ID4: variants seen among roughly 807,000 people sequenced by gnomAD.
ID4 encodes the protein inhibitor of DNA binding 4.
In ID4, 9 loss-of-function variants were observed where a neutral mutation model predicts 8.6. The ratio of observed to expected loss-of-function variants is 1.04; its 90% CI spans 0.63 to 1.82. The LOEUF (loss-of-function observed/expected upper bound fraction) is 1.82. Ranked by LOEUF, ID4 falls within the 40% of genes most tolerant of loss-of-function variation. The probability of loss-of-function intolerance (pLI) is 0.00; values close to 1 mark genes in which losing one functional copy is unlikely to be tolerated. For synonymous variants in ID4, 180 were observed against 118.0 expected (o/e 1.53, Z -3.41); for missense variants, 270 against 235.1 (o/e 1.15, Z -0.97).
intron 1 of ID4, 91 bp from the exon 2 acceptor site, chr6:19,838,493 C>A: frequency 6.4e-7 from 1 of 1,561,080 alleles, no homozygotes; most frequent in Non-Finnish European, 8.8e-7. Flanking sequence ...CGTCGGCGCG[C>A]CAGCCTGATT....
chr6:19,839,733 A>G lies in ID4; in HGVS notation c.*538A>G, dbSNP rs1421892872. On this transcript the variant is annotated 3_prime_UTR_variant, in exon 3 of 3. Transcript: ENST00000378700. ...AAATGAGTGACATTTCATACCATGT[A>G]TATATAGAGATGTTCTATAAGTGTG... is the stretch of plus-strand genomic sequence containing the variant. 2 of 152,562 alleles carry G rather than the reference A, an allele frequency of 1.3e-5. No homozygotes were observed. The highest frequency in any genetic ancestry group is 1.9e-4 in the East Asian group (1 of 5,204). The allele number at this position is 152,562 out of a possible 1,614,324, so 9.5% of individuals were successfully genotyped here. A position where few individuals can be genotyped will look rare whatever the true frequency, so the allele number is the denominator to read the frequency against.
In ID4 at chr6:19,840,735, A is replaced by T. The variant is rs1477871413; in HGVS notation, c.*1540A>T. On this transcript the variant is annotated 3_prime_UTR_variant, in exon 3 of 3. Transcript: ENST00000378700. ...AAAACCTTACTCTTATTTTTCTTTT[A>T]AGGCTCTTTTTTCTCCTTAAGGAAG... 1 of 151,976 alleles carries T rather than the reference A, an allele frequency of 6.6e-6. No individual in the cohort carries two copies. The allele number at this position is 151,976 out of a possible 1,614,324, so 9.4% of individuals were successfully genotyped here.
rs1802807 is a variant in ID4, at chr6:19,839,315, C to T, written c.*120C>T. On this transcript the variant is annotated 3_prime_UTR_variant, in exon 3 of 3. Transcript: ENST00000378700. ...AGGAAAGGAAAAAACATCGGCCAAC[C>T]TAGAAACGTTTTCATTCGTCATTCC... 2.0e-5 allele frequency: 3 copies of T among 152,676 alleles called. No individual in the cohort carries two copies. Among genetic ancestry groups the T allele is most frequent in the Non-Finnish European group, 4.4e-5 (3 of 68,116 alleles). The allele number at this position is 152,676 out of a possible 1,614,324, so 9.5% of individuals were successfully genotyped here. A position where few individuals can be genotyped will look rare whatever the true frequency, so the allele number is the denominator to read the frequency against.
rs1281026909 is a variant in ID4, at chr6:19,837,687, C to T, written c.-68C>T. 3.9e-6 allele frequency: 4 copies of T among 1,035,026 alleles called. No homozygotes were observed. The East Asian group carries it at 2.4e-4, about 63-fold the overall frequency. The allele number at this position is 1,035,026 out of a possible 1,614,324, so 64.1% of individuals were successfully genotyped here. On this transcript the variant is annotated 5_prime_UTR_variant, in exon 1 of 3. Coordinates refer to ENST00000378700, the MANE Select transcript of ID4 (RefSeq NM_001546.4). ...GGAGCGGAGCCGGCCGCGGACGGGG[C>T]CCGGAGCTTGCCTGCCTCCCTCGCT...
In ID4 at chr6:19,841,907, C is replaced by T. The variant is rs149674651; in HGVS notation, c.*2712C>T. 6.6e-6 allele frequency among the ~76,000 whole-genome samples: 1 copy of T among 152,098 alleles called. No individual in the cohort carries two copies. Among genetic ancestry groups the T allele is most frequent in the Non-Finnish European group, 1.5e-5 (1 of 68,016 alleles). ...TTGTAGACTTTTCATTGTATAGGCA[C>T]AACCAAAGAGTCAGACTGGTTTAAA... On this transcript the variant is annotated 3_prime_UTR_variant, in exon 3 of 3. Coordinates refer to ENST00000378700, the MANE Select transcript of ID4 (RefSeq NM_001546.4).
chr6:19,838,760 A>G (rs1761288909), intron 2 of ID4, 118 bp downstream of exon 2: 2 of 801,264 alleles, frequency 2.5e-6, no homozygotes, highest in South Asian at 3.3e-5. Flanking sequence ...GCAAACTCCC[A>G]AGGAAGTAAA....
rs780634591 is a variant in ID4 at position 19,840,604 on chromosome 6, T to C, written c.*1409T>C. The C allele has an allele frequency of 6.6e-6, 1 of 152,588 alleles. No individual in the cohort carries two copies. Among genetic ancestry groups the C allele is most frequent in the Non-Finnish European group, 1.5e-5 (1 of 68,000 alleles). 9.5% of individuals were successfully genotyped at this position (152,588 alleles called of 1,614,324 possible). On this transcript the variant is annotated 3_prime_UTR_variant, in exon 3 of 3. Transcript: ENST00000378700. Reference sequence around the variant, plus strand: ...ATAAAAATGATTTTCACTATAGCTATGTTACGCTAAGCTACTGTCCAATCT... The same window carrying C: ...ATAAAAATGATTTTCACTATAGCTACGTTACGCTAAGCTACTGTCCAATCT...
At chr6:19,838,998 C>T (rs565020534) in intron 2 of ID4, 2 of 240,002 alleles carry the variant, frequency 8.3e-6, no homozygotes, top group African/African-American at 4.6e-5. Context: ...CAAAGGGGGA[C>T]GCGGGCAGGG....
chr6:19,841,971 T>C lies in ID4; in HGVS notation c.*2776T>C, dbSNP rs1039085422. 2.6e-5 allele frequency among the ~76,000 whole-genome samples: 4 copies of C among 152,230 alleles called. No homozygotes were observed. Among genetic ancestry groups the C allele is most frequent in the African/African-American group, 9.6e-5 (4 of 41,474 alleles). ...AAAAAGTATCCCACACAGTGGATGT[T>C]GTTTCTAAGAATGCTACAAAATCCT... On this transcript the variant is annotated 3_prime_UTR_variant, in exon 3 of 3. Coordinates refer to ENST00000378700, the MANE Select transcript of ID4 (RefSeq NM_001546.4).
At position 19,840,725 on chromosome 6, in the gene ID4, T is replaced by A. The variant is rs985290939; in HGVS notation, c.*1530T>A. The A allele has an allele frequency of 1.3e-5, 2 of 152,132 alleles. No individual in the cohort carries two copies. The highest frequency in any genetic ancestry group is 4.8e-5 in the African/African-American group (2 of 41,420). The allele number at this position is 152,132 out of a possible 1,614,324, so 9.4% of individuals were successfully genotyped here. A position where few individuals can be genotyped will look rare whatever the true frequency, so the allele number is the denominator to read the frequency against. The stretch of plus-strand genomic sequence containing the variant: ...TCATTTCTTTAAAACCTTACTCTTA[T>A]TTTTCTTTTAAGGCTCTTTTTTCTC... On this transcript the variant is annotated 3_prime_UTR_variant, in exon 3 of 3. Coordinates refer to ENST00000378700, the MANE Select transcript of ID4 (RefSeq NM_001546.4).
intron 1 of ID4, 78 bp from the exon 2 acceptor site, chr6:19,838,506 C>G: frequency 2.5e-6 from 4 of 1,587,208 alleles, no homozygotes; most frequent in Non-Finnish European, 3.5e-6. Context: ...GCCTGATTTC[C>G]GAGGACAATC....
At position 19,837,854 on chromosome 6, in the gene ID4, A is replaced by T; in HGVS notation, c.100A>T (p.Ser34Cys). 2 of 1,223,118 alleles carry T rather than the reference A, an allele frequency of 1.6e-6. No individual in the cohort carries two copies. Among genetic ancestry groups the T allele is most frequent in the Non-Finnish European group, 2.0e-6 (2 of 981,370 alleles). The allele number at this position is 1,223,118 out of a possible 1,614,324, so 75.8% of individuals were successfully genotyped here. A position where few individuals can be genotyped will look rare whatever the true frequency, so the allele number is the denominator to read the frequency against. The change falls in exon 1 of 3, where the codon AGC becomes TGC. Residue 34 changes from serine (S) to cysteine (C), a missense_variant. By Grantham distance (112) the Ser-to-Cys change is moderately radical. Around this residue, in one of 3 missense-constraint regions of ID4, gnomAD observed 160 missense variants for 131.5 expected, o/e 1.22. Transcript: ENST00000378700. ...ALRCLAEHGH[S>C]LGGSAAAAAA... ...GCGCTGCCTGGCCGAGCACGGCCACAGCCTGGGTGGCTCCGCAGCCGCGGC... is the reference window on the plus strand; with the variant it reads ...GCGCTGCCTGGCCGAGCACGGCCACTGCCTGGGTGGCTCCGCAGCCGCGGC...
rs753933044 is a variant in ID4 at position 19,838,154 on chromosome 6, G to A, written c.400G>A (p.Ala134Thr). ...PHHPAGTCPA[A>T]PPRTPLTALN... ...CCACCCGGCCGGGACCTGTCCAGCC[G>A]CGCCGCCGCGGACCCCGCTCACTGC... is the stretch of plus-strand genomic sequence containing the variant. The change falls in exon 1 of 3, where the codon GCG becomes ACG. Residue 134 changes from alanine to threonine, a missense_variant. This residue lies in a region of ID4 where 107 missense variants were observed against 81.0 expected (regional missense o/e 1.32). Coordinates refer to ENST00000378700, the MANE Select transcript of ID4 (RefSeq NM_001546.4). 2.5e-5 allele frequency: 38 copies of A among 1,521,970 alleles called. No homozygotes were observed. In the African/African-American group the frequency reaches 4.4e-4, roughly 18 times the overall value. 94.3% of individuals were successfully genotyped at this position (1,521,970 alleles called of 1,614,324 possible).
At chr6:19,838,336 TC>T in intron 1 of ID4, 141 bp downstream of exon 1, 5 of 1,015,064 alleles carry the variant, frequency 4.9e-6, no homozygotes, top group Non-Finnish European at 5.3e-6. Context: ...TCCTCCGGGC[TC>T]CCCCGGGCCG....
chr6:19,838,665 G>A, intron 2 of ID4, 23 bp downstream of exon 2: 3 of 1,607,198 alleles, frequency 1.9e-6, no homozygotes, highest in Non-Finnish European at 2.6e-6. Flanking sequence ...TTCCCGTCTC[G>A]GGTGGCCGGT....
rs534680093 is a variant in ID4, at chr6:19,838,834, C to T, written c.*14+192C>T. The T allele has an allele frequency of 3.7e-4, 216 of 589,934 alleles. 1 individual carries two copies. In the African/African-American group the frequency reaches 4.0e-3, roughly 11 times the overall value. 36.5% of individuals were successfully genotyped at this position (589,934 alleles called of 1,614,324 possible). On this transcript the variant is annotated intron_variant, in intron 2 of 2. Transcript: ENST00000378700. ...GTACTTAGCCTTAGAACTCGAGGTT[C>T]AGTCTCGGTGGAGACGGGTCAGCCC...
Position 19,838,129 on chromosome 6 carries a change from C to A in ID4, c.375C>A (p.His125Gln). 6.3e-7 allele frequency: 1 copy of A among 1,577,246 alleles called. No homozygotes were observed. Among genetic ancestry groups the A allele is most frequent in the African/African-American group, 1.4e-5 (1 of 73,420 alleles). The change falls in exon 1 of 3, where the codon CAC becomes CAA. Residue 125 changes from histidine (H) to glutamine (Q), a missense_variant. Physicochemically the swap from His to Gln is conservative, Grantham distance 24. Coordinates refer to ENST00000378700, the MANE Select transcript of ID4 (RefSeq NM_001546.4). ...LRQPPPPAPP[H>Q]HPAGTCPAAP... ...AGCCACCACCGCCCGCGCCGCCACACCACCCGGCCGGGACCTGTCCAGCCG... is the reference window on the plus strand; with the variant it reads ...AGCCACCACCGCCCGCGCCGCCACAACACCCGGCCGGGACCTGTCCAGCCG...
intron 2 of ID4, 56 bp downstream of exon 2, chr6:19,838,698 G>C (rs1761287157): frequency 6.7e-7 from 1 of 1,488,462 alleles, no homozygotes; most frequent in Non-Finnish European, 9.3e-7. Context: ...CCGTCCCCGA[G>C]GGCTTCCGGG....
At position 19,838,189 on chromosome 6, in the gene ID4, C is replaced by A; in HGVS notation, c.435C>A (p.Thr145=). The A allele has an allele frequency of 2.1e-6, 3 of 1,396,006 alleles. No individual in the cohort carries two copies. Among genetic ancestry groups the A allele is most frequent in the Non-Finnish European group, 2.8e-6 (3 of 1,078,242 alleles). The allele number at this position is 1,396,006 out of a possible 1,614,324, so 86.5% of individuals were successfully genotyped here. Reference sequence around the variant, plus strand: ...GGACCCCGCTCACTGCGCTCAACACCGACCCGGTGAGAGGCCGGGCGCCGG... The same window carrying A: ...GGACCCCGCTCACTGCGCTCAACACAGACCCGGTGAGAGGCCGGGCGCCGG... The part of the protein sequence containing the change: ...PPRTPLTALN[T]DPAGAVNKQG... Residue 145 remains threonine, a synonymous_variant, in exon 1 of 3, where the codon ACC becomes ACA. Coordinates refer to ENST00000378700, the MANE Select transcript of ID4 (RefSeq NM_001546.4).
Sources: allele counts gnomAD v4.1 joint callset (sites outside exome capture counted in the v4.1 genomes callset), GRCh38; gene constraint gnomAD v4.1.1; regional missense constraint gnomAD v4.1.1; transcripts MANE v1.5; gene names NCBI Gene and HGNC (gene_info 2026-07-23, HGNC 2026-07-21).